ATP10A: variants seen among roughly 807,000 people sequenced by gnomAD.
ATP10A encodes the protein phospholipid-transporting ATPase VA.
ATP10A carries 111 observed loss-of-function variants against 147.8 expected under a neutral mutation model. The ratio of observed to expected loss-of-function variants is 0.75; its 90% confidence interval spans 0.64 to 0.88. The LOEUF (loss-of-function observed/expected upper bound fraction) is 0.88. Ranked by LOEUF, ATP10A falls within the 40% of genes least tolerant of loss-of-function variation. The probability of loss-of-function intolerance (pLI) is 0.00; values close to 1 mark genes in which losing one functional copy is unlikely to be tolerated. For missense variants in ATP10A, 1,927 were observed against 1,959.0 expected (o/e 0.98, Z 0.31); for synonymous variants, 875 against 841.6 (o/e 1.04, Z -0.69).
chr15:25,854,167 A>G (rs1567434343), intron 1 of ATP10A, among the ~76,000 whole-genome samples: 2 of 152,226 alleles, frequency 1.3e-5, no homozygotes, highest in African/African-American at 4.8e-5. Flanking sequence ...GGAACAGCCC[A>G]TGTAGTCAGA....
intron 1 of ATP10A, among the ~76,000 whole-genome samples, chr15:25,824,476 A>AC (rs1406973586): frequency 2.0e-5 from 3 of 150,090 alleles, no homozygotes; most frequent in Non-Finnish European, 3.0e-5. Context: ...CCTGTCTCAA[A>AC]AAAAAAAAAA....
chr15:25,688,492 C>T (rs143872732), intron 15 of ATP10A, among the ~76,000 whole-genome samples: 44 of 152,274 alleles, frequency 2.9e-4, no homozygotes, highest in African/African-American at 8.7e-4. Context: ...AAGGTGCTTA[C>T]GCAGTGAAGC....
chr15:25,703,818 T>C (rs1188542704), intron 12 of ATP10A, among the ~76,000 whole-genome samples: 1 of 152,218 alleles, frequency 6.6e-6, no homozygotes, highest in Non-Finnish European at 1.5e-5. Context: ...CCAGCTCAGG[T>C]AGCCTGGGCC....
rs1443595765 is a variant in ATP10A at position 25,680,888 on chromosome 15, C to G, written c.3600G>C (p.Leu1200=). The change falls in exon 19 of 21, where the codon CTG becomes CTC. Residue 1200 remains leucine (L), a synonymous_variant. Coordinates refer to ENST00000555815, the MANE Select transcript of ATP10A (RefSeq NM_024490.4). ...YLAYYDSNVD[L]FTWGTPIVTI... ...TCACAATAGGGGTCCCCCAGGTAAA[C>G]AGGTCCACGTTCGAGTCATAGTAGG... 1.2e-6 allele frequency: 2 copies of G among 1,613,984 alleles called. No individual in the cohort carries two copies. The highest frequency in any genetic ancestry group is 2.7e-5 in the African/African-American group (2 of 74,880).
intron 2 of ATP10A, among the ~76,000 whole-genome samples, chr15:25,763,972 G>A (rs762612297): frequency 2.8e-4 from 42 of 152,202 alleles, no homozygotes; most frequent in Non-Finnish European, 5.9e-4. Flanking sequence ...TCACAGAAGC[G>A]GATTATCCCA....
chr15:25,707,263 T>C (rs1484928191), intron 12 of ATP10A, among the ~76,000 whole-genome samples: 1 of 152,114 alleles, frequency 6.6e-6, no homozygotes. Flanking sequence ...CGCCTTTTTG[T>C]GTTAAGTGAA....
intron 1 of ATP10A, among the ~76,000 whole-genome samples, chr15:25,846,527 G>A (rs1027724764): frequency 3.3e-5 from 5 of 152,080 alleles, no homozygotes; most frequent in African/African-American, 1.2e-4. Flanking sequence ...GACATGCTCA[G>A]CGCAGAAGGG....
In ATP10A at chr15:25,708,111, G is replaced by A. The variant is rs1901155724; in HGVS notation, c.2449-9C>T. 6.2e-7 allele frequency: 1 copy of A among 1,613,486 alleles called. No homozygotes were observed. The highest frequency in any genetic ancestry group is 8.5e-7 in the Non-Finnish European group (1 of 1,179,570). On this transcript the variant is annotated splice_polypyrimidine_tract_variant and intron_variant, in intron 11 of 20. Transcript: ENST00000555815. Reference sequence around the variant, plus strand: ...TCTTCTTTACTCAGAACCTATGGGAGATACATTGTTGAGTGCTGCACCGGG... The same window carrying A: ...TCTTCTTTACTCAGAACCTATGGGAAATACATTGTTGAGTGCTGCACCGGG...
At chr15:25,748,944 T>C (rs970211815) in intron 2 of ATP10A, among the ~76,000 whole-genome samples, 1 of 149,370 alleles carries the variant, frequency 6.7e-6, no homozygotes, top group Non-Finnish European at 1.5e-5. Context: ...GTGCCTGTAA[T>C]CCCAGCTACT....
At chr15:25,772,712 GGC>G (rs1889401242) in intron 2 of ATP10A, among the ~76,000 whole-genome samples, 1 of 152,170 alleles carries the variant, frequency 6.6e-6, no homozygotes, top group African/African-American at 2.4e-5. Context: ...CTGAAGATCT[GGC>G]ACAATTCCTA....
intron 2 of ATP10A, among the ~76,000 whole-genome samples, chr15:25,756,843 T>G (rs1323755463): frequency 6.6e-6 from 1 of 152,194 alleles, no homozygotes. Flanking sequence ...GTATTTAACT[T>G]TAGGGTTTTT....
intron 1 of ATP10A, among the ~76,000 whole-genome samples, chr15:25,838,828 CCTTT>C (rs1892691704): frequency 6.6e-6 from 1 of 152,094 alleles, no homozygotes; most frequent in South Asian, 2.1e-4. Flanking sequence ...TTAGAAGCAG[CCTTT>C]CTTTATGGTG....
chr15:25,684,204 C>T (rs1488040958), intron 16 of ATP10A, among the ~76,000 whole-genome samples: 2 of 152,190 alleles, frequency 1.3e-5, no homozygotes, highest in African/African-American at 4.8e-5. Flanking sequence ...CCCCTGCTCA[C>T]TGGGGTGGGA....
At chr15:25,848,448 C>T (rs1182474860) in intron 1 of ATP10A, among the ~76,000 whole-genome samples, 2 of 152,014 alleles carry the variant, frequency 1.3e-5, no homozygotes, top group Non-Finnish European at 2.9e-5. Context: ...GCCACTGCAC[C>T]GGCTAAACAA....
intron 2 of ATP10A, among the ~76,000 whole-genome samples, chr15:25,744,956 A>C (rs543245566): frequency 1.1e-4 from 17 of 152,338 alleles, no homozygotes; most frequent in African/African-American, 4.1e-4. Flanking sequence ...AGAACTTTTA[A>C]ATAGGGTCTG....
At chr15:25,849,654 G>C (rs770805762) in intron 1 of ATP10A, among the ~76,000 whole-genome samples, 6 of 152,128 alleles carry the variant, frequency 3.9e-5, no homozygotes, top group Non-Finnish European at 2.9e-5. Context: ...GGAGGAGCAC[G>C]GCGCAGCTGC....
chr15:25,847,559 G>A (rs1893078105), intron 1 of ATP10A, among the ~76,000 whole-genome samples: 1 of 132,566 alleles, frequency 7.5e-6, no homozygotes, highest in African/African-American at 2.8e-5. Context: ...ATCCCACTAA[G>A]CAATTTGGAG....
intron 2 of ATP10A, among the ~76,000 whole-genome samples, chr15:25,769,881 G>A (rs908924329): frequency 1.3e-5 from 2 of 152,062 alleles, no homozygotes; most frequent in African/African-American, 2.4e-5. Flanking sequence ...AGGTAATAAG[G>A]GTTAAATGAG....
intron 1 of ATP10A, among the ~76,000 whole-genome samples, chr15:25,806,376 G>A (rs150736684): frequency 0.043 from 6,471 of 151,722 alleles, 201 homozygotes; most frequent in Non-Finnish European, 0.064. Flanking sequence ...GCAGTGGCAC[G>A]ATCTCTGCTC....
Sources: allele counts gnomAD v4.1 joint callset (sites outside exome capture counted in the v4.1 genomes callset), GRCh38; gene constraint gnomAD v4.1.1; transcripts MANE v1.5; gene names NCBI Gene and HGNC (gene_info 2026-07-23, HGNC 2026-07-21).